FAM151A: variants seen among roughly 807,000 people sequenced by gnomAD.
FAM151A encodes protein FAM151A.
In FAM151A, 41 loss-of-function variants were observed where a neutral mutation model predicts 40.4. The observed-to-expected ratio is 1.01, with a 90% confidence interval of 0.79 to 1.32. The LOEUF (loss-of-function observed/expected upper bound fraction) is 1.32. Among genes scored for constraint, FAM151A ranks in the 40% most tolerant of loss-of-function variants. The pLI is 0.00. For synonymous variants in FAM151A, 337 were observed against 312.5 expected (o/e 1.08, Z -0.83); for missense variants, 740 against 740.4 (o/e 1.00, Z 0.01).
At position 54,610,940 on chromosome 1, in the gene FAM151A, T is replaced by G; in HGVS notation, c.941-385A>C. ...GGTTTGGATAGTGGCATCTGATCAC[T>G]GCTTAATGAATACAGTGGAGGCCTC... On this transcript the variant is annotated intron_variant, in intron 6 of 7. Transcript: ENST00000302250. 3.0e-6 allele frequency: 3 copies of G among 985,408 alleles called. No homozygotes were observed. In the South Asian group the frequency reaches 1.4e-4, roughly 46 times the overall value. The allele number at this position is 985,408 out of a possible 1,614,324, so 61.0% of individuals were successfully genotyped here.
At chr1:54,620,510 A>G (rs1026961607) in intron 1 of FAM151A, among the ~76,000 whole-genome samples, 3 of 151,914 alleles carry the variant, frequency 2.0e-5, no homozygotes, top group Non-Finnish European at 2.9e-5. Flanking sequence ...GTTCGAGACC[A>G]GCCTGGCCAA....
intron 7 of FAM151A, 49 bp from the exon 8 acceptor site, chr1:54,609,990 A>G: frequency 6.4e-7 from 1 of 1,551,398 alleles, no homozygotes; most frequent in East Asian, 2.3e-5. Flanking sequence ...GGTTATCATA[A>G]GGTGTTAAGA....
In FAM151A at chr1:54,609,594, G is replaced by T. The variant is rs768857868; in HGVS notation, c.1432C>A (p.Pro478Thr). The change falls in exon 8 of 8, where the codon CCA becomes ACA. Residue 478 changes from proline to threonine, a missense_variant. By Grantham distance (38) the Pro-to-Thr change is conservative. Transcript: ENST00000302250. Reference sequence around the variant, plus strand: ...CCCAGCACCTCCTCAGGCCAGCCTGGTGCCACAGTCACGTGGGGGAAGACC... The same window carrying T: ...CCCAGCACCTCCTCAGGCCAGCCTGTTGCCACAGTCACGTGGGGGAAGACC... ...AEVFPHVTVA[P>T]GWPEEVLGSG... 1 of 1,613,114 alleles carries T rather than the reference G, an allele frequency of 6.2e-7. No homozygotes were observed. The highest frequency in any genetic ancestry group is 1.7e-5 in the Admixed American group (1 of 60,016).
intron 5 of FAM151A, 107 bp from the exon 6 acceptor site, chr1:54,611,852 G>T: frequency 7.4e-7 from 1 of 1,347,454 alleles, no homozygotes; most frequent in Non-Finnish European, 1.0e-6. Context: ...TAGAGCATCT[G>T]TCCTCCAGTC....
chr1:54,622,103 G>A (rs1048936886), intron 1 of FAM151A, among the ~76,000 whole-genome samples: 18 of 143,890 alleles, frequency 1.3e-4, no homozygotes, highest in South Asian at 2.3e-4. Context: ...GTGAAACCCC[G>A]TCTCTAGTAA....
intron 1 of FAM151A, among the ~76,000 whole-genome samples, chr1:54,622,924 C>T (rs763721659): frequency 1.8e-4 from 28 of 151,926 alleles, no homozygotes; most frequent in Non-Finnish European, 3.2e-4. Context: ...CCTGTAATCC[C>T]AGCACTTTGA....
chr1:54,619,934 C>T lies in FAM151A; in HGVS notation c.192G>A (p.Arg64=). The T allele has an allele frequency of 6.2e-7, 1 of 1,614,180 alleles. No homozygotes were observed. The highest frequency in any genetic ancestry group is 8.5e-7 in the Non-Finnish European group (1 of 1,180,030). ...ACCAGGTGACCTCCAAGGCATCTCG[C>T]CGGCTGATCTGGCCCAGGCTCAGCA... ...DYLLSLGQIS[R]RDALEVTWYH... Residue 64 remains arginine, a synonymous_variant, in exon 2 of 8, where the codon CGG becomes CGA. Coordinates refer to ENST00000302250, the MANE Select transcript of FAM151A (RefSeq NM_176782.3).
At chr1:54,611,167 CT>C in intron 6 of FAM151A, 2 of 476,596 alleles carry the variant, frequency 4.2e-6, no homozygotes, top group Non-Finnish European at 5.5e-6. Context: ...AGGCAGGTGG[CT>C]CATGCCTGTA....
Position 54,611,742 on chromosome 1 carries a change from G to A in FAM151A, c.804C>T (p.Tyr268=). ...AGGCAGCCTGCCACAGCGTCAGGCTGTACCTGGGGACACGAGAGCTGGCTC... is the reference window on the plus strand; with the variant it reads ...AGGCAGCCTGCCACAGCGTCAGGCTATACCTGGGGACACGAGAGCTGGCTC... ...FSWLLSQSER[Y]SLTLWQAASD... is the part of the protein sequence containing the mutation. Residue 268 remains tyrosine, a synonymous_variant, in exon 6 of 8, where the codon TAC becomes TAT. Coordinates refer to ENST00000302250, the MANE Select transcript of FAM151A (RefSeq NM_176782.3). The A allele has an allele frequency of 2.5e-6, 4 of 1,614,070 alleles. No homozygotes were observed. The highest frequency in any genetic ancestry group is 3.4e-6 in the Non-Finnish European group (4 of 1,179,974).
rs1215490479 is a variant in FAM151A, at chr1:54,609,208, TC to T, written c.*59del. On this transcript the variant is annotated 3_prime_UTR_variant, in exon 8 of 8. Transcript: ENST00000302250. ...GAGAAAGCCAAAGACCTTTATTTCT[TC>T]CTGCCTCCCCGTGGGAAGCCTCCGC... 13 of 1,591,494 alleles carry T rather than the reference TC, an allele frequency of 8.2e-6. No individual in the cohort carries two copies. The Admixed American group carries it at 1.9e-4, about 23-fold the overall frequency.
rs899423959 is a variant in FAM151A at position 54,620,413 on chromosome 1, T to C, written c.119-406A>G. On this transcript the variant is annotated intron_variant, in intron 1 of 7. Transcript: ENST00000302250. ...AACATAAAAGTGGAATGTGGAAAGA[T>C]TGGAAGAGGGGGCCGGGCATGGTGG... Among the ~76,000 whole-genome samples the C allele has an allele frequency of 5.3e-5, 8 of 152,188 alleles. No homozygotes were observed. The South Asian group carries it at 1.0e-3, about 20-fold the overall frequency.
At chr1:54,612,817 G>T in intron 4 of FAM151A, 107 bp from the exon 5 acceptor site, 1 of 785,380 alleles carries the variant, frequency 1.3e-6, no homozygotes, top group Non-Finnish European at 2.1e-6. Flanking sequence ...TTGGATCTAT[G>T]ATAAGGTCAG....
intron 1 of FAM151A, among the ~76,000 whole-genome samples, chr1:54,622,439 G>A (rs143414792): frequency 3.4e-4 from 52 of 152,188 alleles, no homozygotes; most frequent in African/African-American, 1.2e-3. Flanking sequence ...TTAGCTGAGC[G>A]TGGTGGCGCA....
In FAM151A at chr1:54,620,845, C is replaced by CAAAAAAAAAAAAAAA. The variant is rs767625864; in HGVS notation, c.119-853_119-839dup. ...CCTGGATGACACAAAGAGACTCTGTCAAAAAAAAAAAAAAAAAAAAAAAAA... is the reference window on the plus strand; with the variant it reads ...CCTGGATGACACAAAGAGACTCTGTCAAAAAAAAAAAAAAAAAAAAAAAAAAAAAAAAAAAAAAAA... On this transcript the variant is annotated intron_variant, in intron 1 of 7. Transcript: ENST00000302250. Among the ~76,000 whole-genome samples, 5 of 12,118 alleles carry CAAAAAAAAAAAAAAA rather than the reference C, an allele frequency of 4.1e-4. 2 individuals are homozygous for CAAAAAAAAAAAAAAA. The highest frequency in any genetic ancestry group is 7.5e-4 in the Non-Finnish European group (5 of 6,668). The allele number at this position is 12,118 out of a possible 152,430, so 7.9% of individuals were successfully genotyped here. A position where few individuals can be genotyped will look rare whatever the true frequency, so the allele number is the denominator to read the frequency against.
At chr1:54,615,834 C>A (rs746888538) in intron 3 of FAM151A, among the ~76,000 whole-genome samples, 186 bp downstream of exon 3, 14 of 152,348 alleles carry the variant, frequency 9.2e-5, no homozygotes, top group Non-Finnish European at 1.8e-4. Flanking sequence ...AGGACCTGCA[C>A]TGACATGCTC....
chr1:54,618,071 G>A (rs1644193562), intron 2 of FAM151A, among the ~76,000 whole-genome samples: 1 of 151,758 alleles, frequency 6.6e-6, no homozygotes, highest in African/African-American at 2.4e-5. Flanking sequence ...TGCGCCTGCT[G>A]CTGGTCCATG....
chr1:54,623,230 C>A lies in FAM151A; in HGVS notation c.118+48G>T, dbSNP rs202057124. The A allele has an allele frequency of 9.6e-6, 12 of 1,252,868 alleles. No individual in the cohort carries two copies. The East Asian group carries it at 2.8e-4, about 29-fold the overall frequency. The allele number at this position is 1,252,868 out of a possible 1,614,324, so 77.6% of individuals were successfully genotyped here. A position where few individuals can be genotyped will look rare whatever the true frequency, so the allele number is the denominator to read the frequency against. On this transcript the variant is annotated intron_variant, in intron 1 of 7. Transcript: ENST00000302250. ...GTAAGTGAGAAGTGGGGATAAGGAGCGAGCGATGAGGGAAGCCACTCAGGA... is the reference window on the plus strand; with the variant it reads ...GTAAGTGAGAAGTGGGGATAAGGAGAGAGCGATGAGGGAAGCCACTCAGGA...
intron 5 of FAM151A, among the ~76,000 whole-genome samples, chr1:54,612,182 G>A (rs924055157): frequency 6.6e-6 from 1 of 151,908 alleles, no homozygotes. Flanking sequence ...GGCACAATCT[G>A]TGTAGCCCCA....
chr1:54,617,392 C>G (rs530100484), intron 2 of FAM151A, among the ~76,000 whole-genome samples: 164 of 150,840 alleles, frequency 1.1e-3, no homozygotes, highest in African/African-American at 3.9e-3. Flanking sequence ...TGCTTCCCTG[C>G]AAGTCTGTTC....
Sources: gnomAD v4.1 joint callset for allele counts (sites outside exome capture counted in the v4.1 genomes callset) on GRCh38, gnomAD v4.1.1 for gene constraint, MANE v1.5 for transcripts, NCBI Gene and HGNC (gene_info 2026-07-23, HGNC 2026-07-21) for gene names.